The following DACH2 variants were observed in gnomAD, a reference collection of about 807,000 sequenced individuals.
DACH2 encodes dachshund homolog 2.
Under a neutral mutation model 35.8 loss-of-function variants are expected in DACH2, and 17 were observed. That is an observed-to-expected ratio of 0.48 (90% CI 0.33 to 0.71). The LOEUF (loss-of-function observed/expected upper bound fraction) is 0.71. Ranked by LOEUF, DACH2 falls within the 30% of genes least tolerant of loss-of-function variation. The pLI is 0.02. For missense variants in DACH2, 469 were observed against 472.7 expected, an observed-to-expected ratio of 0.99 and a Z score of 0.07; for synonymous variants, 195 against 177.3, an observed-to-expected ratio of 1.10 and a Z score of -0.79.
intron 3 of DACH2, among the ~76,000 whole-genome samples, chrX:86,591,860 T>C (rs1454145716): frequency 9.0e-6 from 1 of 111,370 alleles, no homozygotes; most frequent in African/African-American, 3.3e-5. Context: ...TTTAATTTGA[T>C]TGTTTATTTT....
At chrX:86,182,926 T>G (rs2031546603) in intron 1 of DACH2, among the ~76,000 whole-genome samples, 1 of 111,897 alleles carries the variant, frequency 8.9e-6, no homozygotes, top group South Asian at 3.7e-4. Context: ...TATTTTATTC[T>G]TTTTGTAGCA....
intron 11 of DACH2, among the ~76,000 whole-genome samples, chrX:86,826,454 AT>A (rs1472438660): frequency 4.7e-5 from 5 of 107,184 alleles, no homozygotes; most frequent in East Asian, 2.8e-4. Flanking sequence ...TTTTAAAAAA[AT>A]ATGTCATGTT....
chrX:86,252,575 C>A (rs1289688428), intron 1 of DACH2, among the ~76,000 whole-genome samples: 1 of 111,321 alleles, frequency 9.0e-6, no homozygotes, highest in Non-Finnish European at 1.9e-5. Context: ...TGCCAATTAT[C>A]CCAGCAACAT....
At chrX:86,190,313 G>T (rs763193293) in intron 1 of DACH2, among the ~76,000 whole-genome samples, 4 of 111,066 alleles carry the variant, frequency 3.6e-5, no homozygotes, top group African/African-American at 9.8e-5. Context: ...TGTTCTTTTC[G>T]TGGTTACAGA....
chrX:86,153,573 G>A (rs2030441431), intron 1 of DACH2, among the ~76,000 whole-genome samples: 1 of 110,992 alleles, frequency 9.0e-6, no homozygotes, highest in African/African-American at 3.3e-5. Context: ...TTAATATTTT[G>A]TATGGCTTAC....
At chrX:86,555,908 A>G (rs767061023) in intron 3 of DACH2, among the ~76,000 whole-genome samples, 2 of 111,341 alleles carry the variant, frequency 1.8e-5, no homozygotes, top group Non-Finnish European at 3.8e-5. Flanking sequence ...TAAGCCCATC[A>G]TGGTTACTCA....
intron 3 of DACH2, among the ~76,000 whole-genome samples, chrX:86,611,576 A>G (rs995187983): frequency 9.0e-6 from 1 of 111,567 alleles, no homozygotes; most frequent in African/African-American, 3.3e-5. Context: ...GAAGCTTGCC[A>G]TAATTAAAGA....
At chrX:86,216,715 CT>C (rs2032580572) in intron 1 of DACH2, among the ~76,000 whole-genome samples, 1 of 111,035 alleles carries the variant, frequency 9.0e-6, no homozygotes, top group Non-Finnish European at 1.9e-5. Context: ...GCCCCAGAGA[CT>C]TTTTAGGAGG....
chrX:86,464,572 G>A (rs1220108723), intron 2 of DACH2, among the ~76,000 whole-genome samples: 1 of 111,022 alleles, frequency 9.0e-6, no homozygotes, highest in Non-Finnish European at 1.9e-5. Context: ...TAATGCATGT[G>A]GGGCTTAAAA....
chrX:86,589,189 C>G (rs1388192795), intron 3 of DACH2, among the ~76,000 whole-genome samples: 6 of 110,951 alleles, frequency 5.4e-5, no homozygotes, highest in Non-Finnish European at 9.5e-5. Context: ...GTTAATCTAA[C>G]TATTGATCTA....
chrX:86,585,157 G>T (rs940995303), intron 3 of DACH2, among the ~76,000 whole-genome samples: 1 of 110,454 alleles, frequency 9.1e-6, no homozygotes, highest in African/African-American at 3.3e-5. Flanking sequence ...TTTCCTTTGG[G>T]TATATATGTT....
chrX:86,425,568 CT>C (rs1426178205), intron 2 of DACH2, among the ~76,000 whole-genome samples: 9 of 111,073 alleles, frequency 8.1e-5, no homozygotes, highest in Non-Finnish European at 1.7e-4. Flanking sequence ...GATCTTCTCT[CT>C]TTTTTTAAAT....
At chrX:86,186,581 T>C (rs1203277198) in intron 1 of DACH2, among the ~76,000 whole-genome samples, 1 of 111,725 alleles carries the variant, frequency 9.0e-6, no homozygotes, top group Admixed American at 9.6e-5. Context: ...ATTAAGGCTG[T>C]TGAATGTTAA....
intron 3 of DACH2, among the ~76,000 whole-genome samples, chrX:86,567,802 G>T (rs1310873122): frequency 1.8e-5 from 2 of 111,010 alleles, no homozygotes; most frequent in East Asian, 5.7e-4. Context: ...ACACTTCTTG[G>T]TATTTTCACA....
chrX:86,520,745 T>A (rs1232227178), intron 3 of DACH2, among the ~76,000 whole-genome samples: 2 of 111,943 alleles, frequency 1.8e-5, no homozygotes, highest in Non-Finnish European at 3.8e-5. Context: ...GTTTTCCATT[T>A]GCTTGGTAGA....
chrX:86,591,387 G>T (rs959838034), intron 3 of DACH2, among the ~76,000 whole-genome samples: 19 of 111,297 alleles, frequency 1.7e-4, no homozygotes, highest in African/African-American at 6.2e-4. Flanking sequence ...AGATCCCTGA[G>T]GAATCGCCAC....
chrX:86,191,957 A>G (rs2031846565), intron 1 of DACH2, among the ~76,000 whole-genome samples: 1 of 110,958 alleles, frequency 9.0e-6, no homozygotes. Flanking sequence ...CAAACAAACA[A>G]ACCTTAAAAA....
chrX:86,474,186 T>C (rs2037805042), intron 2 of DACH2, among the ~76,000 whole-genome samples: 4 of 112,165 alleles, frequency 3.6e-5, no homozygotes, highest in Admixed American at 1.9e-4. Context: ...TCTATGCAAA[T>C]ATTTGTCCCA....
intron 1 of DACH2, among the ~76,000 whole-genome samples, chrX:86,248,960 C>T (rs995618757): frequency 4.5e-5 from 5 of 111,336 alleles, no homozygotes; most frequent in African/African-American, 1.6e-4. Context: ...GGGGAAAGAA[C>T]TCCCTATTCA....
Sources: gnomAD v4.1 joint callset for allele counts (sites outside exome capture counted in the v4.1 genomes callset) on GRCh38, gnomAD v4.1.1 for gene constraint, MANE v1.5 for transcripts, NCBI Gene and HGNC (gene_info 2026-07-23, HGNC 2026-07-21) for gene names.